ATP9B: variants seen among roughly 807,000 people sequenced by gnomAD.
The protein encoded by ATP9B is ATPase phospholipid transporting 9B, also known as probable phospholipid-transporting ATPase IIB.
In ATP9B, 110 loss-of-function variants were observed where a neutral mutation model predicts 146.1. The observed-to-expected ratio is 0.75, with a 90% CI of 0.65 to 0.88. ATP9B has a LOEUF of 0.88. Ranked by LOEUF, ATP9B falls within the 40% of genes least tolerant of loss-of-function variation. The probability of loss-of-function intolerance (pLI) is 0.00; values close to 1 mark genes in which losing one functional copy is unlikely to be tolerated. For missense variants in ATP9B, 1,499 were observed against 1,496.4 expected (o/e 1.00, Z -0.03); for synonymous variants, 604 against 569.7 (o/e 1.06, Z -0.86).
chr18:79,321,852 T>TG (rs1466633690), intron 15 of ATP9B, among the ~76,000 whole-genome samples: 1 of 152,196 alleles, frequency 6.6e-6, no homozygotes, highest in Non-Finnish European at 1.5e-5. Flanking sequence ...CTGACTGCAG[T>TG]GGGGCACCAG....
chr18:79,210,996 T>C (rs2095579347), intron 10 of ATP9B, among the ~76,000 whole-genome samples: 1 of 152,224 alleles, frequency 6.6e-6, no homozygotes, highest in African/African-American at 2.4e-5. Flanking sequence ...TTTTGTGTTT[T>C]TAAATAATTT....
chr18:79,176,404 G>A (rs1038881547), intron 7 of ATP9B, among the ~76,000 whole-genome samples: 3 of 152,004 alleles, frequency 2.0e-5, no homozygotes, highest in Non-Finnish European at 2.9e-5. Flanking sequence ...TTTTTATGAC[G>A]GTAAATCTGG....
chr18:79,162,185 A>G (rs1193501466), intron 7 of ATP9B, among the ~76,000 whole-genome samples: 3 of 152,232 alleles, frequency 2.0e-5, no homozygotes, highest in Non-Finnish European at 4.4e-5. Context: ...AAGTGTTAAT[A>G]TATGCAGCAT....
At position 79,371,943 on chromosome 18, in the gene ATP9B, G is replaced by A. The variant is rs114568458; in HGVS notation, c.3013-882G>A. On this transcript the variant is annotated intron_variant, in intron 26 of 29. Coordinates refer to ENST00000426216, the MANE Select transcript of ATP9B (RefSeq NM_198531.5). ...ACCTGAGGAAATCACGGAACTTCTC[G>A]AGTCTCCTCGTCTGTAAATGGAAAC... Among the ~76,000 whole-genome samples, 461 of 152,338 alleles carry A rather than the reference G, an allele frequency of 3.0e-3. 2 individuals are homozygous for A. Among genetic ancestry groups the A allele is most frequent in the African/African-American group, 0.01 (431 of 41,570 alleles).
At chr18:79,345,883 A>G (rs2096883451) in intron 23 of ATP9B, 44 bp downstream of exon 23, 1 of 1,605,030 alleles carries the variant, frequency 6.2e-7, no homozygotes, top group Non-Finnish European at 8.5e-7. Context: ...CAGTCAGCAC[A>G]CATCAACACG....
chr18:79,241,965 G>A (rs1185848228), intron 11 of ATP9B, among the ~76,000 whole-genome samples: 1 of 152,242 alleles, frequency 6.6e-6, no homozygotes, highest in Non-Finnish European at 1.5e-5. Flanking sequence ...TCAGCACTGG[G>A]ATGCTGCTGC....
intron 6 of ATP9B, among the ~76,000 whole-genome samples, chr18:79,149,254 C>T (rs1187175380): frequency 6.6e-6 from 1 of 152,022 alleles, no homozygotes; most frequent in Non-Finnish European, 1.5e-5. Context: ...GAGGAATCAC[C>T]CTTGATGTGA....
At chr18:79,075,998 G>A (rs2072569100) in intron 1 of ATP9B, among the ~76,000 whole-genome samples, 1 of 152,070 alleles carries the variant, frequency 6.6e-6, no homozygotes, top group African/African-American at 2.4e-5. Flanking sequence ...GCAGTGTACT[G>A]TTGTTGGTAT....
At chr18:79,174,385 A>G (rs931963243) in intron 7 of ATP9B, among the ~76,000 whole-genome samples, 2 of 152,220 alleles carry the variant, frequency 1.3e-5, no homozygotes, top group African/African-American at 4.8e-5. Context: ...TACAGATTAC[A>G]ACCACAATTC....
chr18:79,192,459 T>G (rs969147716), intron 8 of ATP9B, among the ~76,000 whole-genome samples: 5 of 151,996 alleles, frequency 3.3e-5, no homozygotes. Context: ...TACAGCAGAG[T>G]CAGCAGCGAG....
chr18:79,260,436 G>A (rs1261207152), intron 12 of ATP9B, among the ~76,000 whole-genome samples: 1 of 152,128 alleles, frequency 6.6e-6, no homozygotes, highest in Non-Finnish European at 1.5e-5. Context: ...TTCGGGTGGG[G>A]ACACAGAGCC....
intron 15 of ATP9B, 142 bp downstream of exon 15, chr18:79,307,376 C>G: frequency 8.1e-7 from 1 of 1,230,976 alleles, no homozygotes; most frequent in Non-Finnish European, 1.1e-6. Flanking sequence ...ATGTGGAAAA[C>G]TGCCCAACCT....
chr18:79,306,986 A>T lies in ATP9B; in HGVS notation c.1525A>T (p.Met509Leu). ...TTATGTGACGTTTCATATTCTAAAG[A>T]TGCAGTCTCAAGCTGGTGGAAACAA... ...QSHVRDSYSQMQSQAGGNNTG... is the reference protein window; with the variant it reads ...QSHVRDSYSQLQSQAGGNNTG... Residue 509 changes from methionine (M) to leucine (L), a missense_variant and splice_region_variant, in exon 15 of 30, where the codon ATG (methionine) becomes TTG (leucine). Met to Leu is a conservative substitution (Grantham distance 15). Coordinates refer to ENST00000426216, the MANE Select transcript of ATP9B (RefSeq NM_198531.5). 1 of 1,614,002 alleles carries T rather than the reference A, an allele frequency of 6.2e-7. No homozygotes were observed. Among genetic ancestry groups the T allele is most frequent in the Non-Finnish European group, 8.5e-7 (1 of 1,179,854 alleles).
At chr18:79,112,056 G>A (rs1263608932) in intron 3 of ATP9B, among the ~76,000 whole-genome samples, 1 of 152,144 alleles carries the variant, frequency 6.6e-6, no homozygotes, top group African/African-American at 2.4e-5. Flanking sequence ...CAGGTTGAAC[G>A]TGATTATGAA....
At chr18:79,257,835 T>C (rs1380911081) in intron 12 of ATP9B, among the ~76,000 whole-genome samples, 1 of 152,270 alleles carries the variant, frequency 6.6e-6, no homozygotes, top group African/African-American at 2.4e-5. Context: ...AGTTCTAGAA[T>C]GTCACATGAT....
chr18:79,187,767 C>T (rs985963996), intron 8 of ATP9B, among the ~76,000 whole-genome samples: 5 of 152,118 alleles, frequency 3.3e-5, no homozygotes, highest in African/African-American at 1.2e-4. Context: ...AGTTGTTTCC[C>T]ATGCATTCTT....
intron 12 of ATP9B, among the ~76,000 whole-genome samples, chr18:79,256,570 A>G (rs774466132): frequency 7.9e-5 from 12 of 151,550 alleles, no homozygotes; most frequent in Admixed American, 6.6e-4. Flanking sequence ...GTGATACCCT[A>G]TATTTCTATT....
At chr18:79,326,884 T>TGAC (rs1224599776) in intron 15 of ATP9B, among the ~76,000 whole-genome samples, 1 of 151,948 alleles carries the variant, frequency 6.6e-6, no homozygotes, top group Non-Finnish European at 1.5e-5. Context: ...TCCACTGTGC[T>TGAC]GACTGTCCAC....
At chr18:79,369,122 T>TTTG (rs1206901406) in intron 26 of ATP9B, among the ~76,000 whole-genome samples, 5 of 152,148 alleles carry the variant, frequency 3.3e-5, no homozygotes, top group South Asian at 2.1e-4. Context: ...ACAGGCGAAA[T>TTTG]TTGTTGTTGT....
Sources: gnomAD v4.1 joint callset for allele counts (sites outside exome capture counted in the v4.1 genomes callset) on GRCh38, gnomAD v4.1.1 for gene constraint, MANE v1.5 for transcripts, NCBI Gene and HGNC (gene_info 2026-07-23, HGNC 2026-07-21) for gene names.